Variants in ROS1 observed in about 807,000 individuals in gnomAD.
The protein encoded by ROS1 is proto-oncogene tyrosine-protein kinase ROS.
Under a neutral mutation model 273.5 loss-of-function variants are expected in ROS1, and 263 were observed. The observed-to-expected ratio is 0.96, with a 90% CI of 0.87 to 1.06. The LOEUF is 1.06. Ranked by LOEUF, ROS1 falls within the 50% of genes least tolerant of loss-of-function variation. ROS1 has a pLI of 0.00. For synonymous variants in ROS1, 1,008 were observed against 954.1 expected, an observed-to-expected ratio of 1.06 and a Z score of -1.04; for missense variants, 2,833 against 2,751.1, an observed-to-expected ratio of 1.03 and a Z score of -0.67.
At chr6:117,393,584 C>T (rs1240073321) in intron 11 of ROS1, among the ~76,000 whole-genome samples, 1 of 152,080 alleles carries the variant, frequency 6.6e-6, no homozygotes. Flanking sequence ...AACATTTAAG[C>T]GATATCTAGG....
rs765453028 is a variant in ROS1, at chr6:117,397,037, T to C, written c.684A>G (p.Gln228=). The C allele has an allele frequency of 1.9e-6, 3 of 1,612,704 alleles. No homozygotes were observed. Among genetic ancestry groups the C allele is most frequent in the South Asian group, 1.1e-5 (1 of 91,054 alleles). The stretch of plus-strand genomic sequence containing the variant: ...AACCCAAAATAGGTCCACCTGGGAA[T>C]TGAGGTGGATCCCAGCTGACTTCCA... The part of the protein sequence containing the change: ...DTVEVSWDPP[Q]FPGGPILGYN... Residue 228 remains glutamine, a synonymous_variant, in exon 8 of 44, where the codon CAA becomes CAG. Coordinates refer to ENST00000368507, the MANE Select transcript of ROS1 (RefSeq NM_001378902.1).
intron 5 of ROS1, among the ~76,000 whole-genome samples, chr6:117,406,862 C>T (rs1774447042): frequency 6.6e-6 from 1 of 152,046 alleles, no homozygotes; most frequent in Non-Finnish European, 1.5e-5. Context: ...GCCTGTGTAC[C>T]TGTTGGGCAC....
At chr6:117,339,459 C>T (rs1342560016) in intron 31 of ROS1, among the ~76,000 whole-genome samples, 2 of 152,128 alleles carry the variant, frequency 1.3e-5, no homozygotes, top group Admixed American at 1.3e-4. Context: ...GACAAATATT[C>T]TCTTTTATTG....
At chr6:117,407,966 G>T (rs1223685994) in intron 5 of ROS1, among the ~76,000 whole-genome samples, 1 of 152,176 alleles carries the variant, frequency 6.6e-6, no homozygotes, top group African/African-American at 2.4e-5. Flanking sequence ...ATGGGGAAAG[G>T]ATTCCCTATT....
chr6:117,420,014 C>T (rs545024367), intron 1 of ROS1, among the ~76,000 whole-genome samples: 4 of 152,188 alleles, frequency 2.6e-5, no homozygotes, highest in Admixed American at 2.0e-4. Flanking sequence ...TGAATTATTG[C>T]TATGTTTCAG....
intron 42 of ROS1, among the ~76,000 whole-genome samples, chr6:117,303,688 G>A (rs1450361935): frequency 6.6e-6 from 1 of 152,156 alleles, no homozygotes; most frequent in Non-Finnish European, 1.5e-5. Flanking sequence ...TTTTTAAGCG[G>A]ACATAATCTT....
rs1009005073 is a variant in ROS1, at chr6:117,414,441, C to G, written c.255+78G>C. ...ACTGAGAATTTTAGGTTTCTTCACC[C>G]CTATTTTAAAAGCTTTTTAGAGACC... On this transcript the variant is annotated intron_variant, in intron 4 of 43. Transcript: ENST00000368507. The G allele has an allele frequency of 5.6e-6, 4 of 713,876 alleles. No homozygotes were observed. The African/African-American group carries it at 7.3e-5, about 13-fold the overall frequency. The allele number at this position is 713,876 out of a possible 1,614,324, so 44.2% of individuals were successfully genotyped here. A position where few individuals can be genotyped will look rare whatever the true frequency, so the allele number is the denominator to read the frequency against.
chr6:117,414,199 A>G (rs1775157820), intron 4 of ROS1, among the ~76,000 whole-genome samples: 1 of 151,862 alleles, frequency 6.6e-6, no homozygotes, highest in Non-Finnish European at 1.5e-5. Context: ...CATTACCCCA[A>G]CTCCAACTCT....
At chr6:117,414,873 C>A (rs1775219462) in intron 3 of ROS1, among the ~76,000 whole-genome samples, 1 of 152,182 alleles carries the variant, frequency 6.6e-6, no homozygotes, top group Non-Finnish European at 1.5e-5. Flanking sequence ...GTAAATAGAA[C>A]AGGAAATGAA....
chr6:117,368,177 T>C (rs1382652421), intron 18 of ROS1, among the ~76,000 whole-genome samples: 4 of 152,238 alleles, frequency 2.6e-5, no homozygotes, highest in African/African-American at 9.6e-5. Context: ...CAATTATTTT[T>C]GCTTGAAAAA....
At chr6:117,395,511 A>G (rs1582839604) in intron 9 of ROS1, among the ~76,000 whole-genome samples, 1 of 152,220 alleles carries the variant, frequency 6.6e-6, no homozygotes, top group Non-Finnish European at 1.5e-5. Context: ...TAGTAAAAAT[A>G]GAAAACAGGC....
intron 4 of ROS1, among the ~76,000 whole-genome samples, chr6:117,412,601 TAGAC>T (rs916855986): frequency 5.9e-5 from 6 of 101,850 alleles, no homozygotes; most frequent in Admixed American, 2.6e-4. Context: ...CATAGATAGA[TAGAC>T]AGATAGATAG....
intron 18 of ROS1, 22 bp from the exon 19 acceptor site, chr6:117,366,312 T>A (rs775709663): frequency 1.9e-6 from 3 of 1,578,312 alleles, no homozygotes; most frequent in Non-Finnish European, 2.6e-6. Context: ...TAACACCAAT[T>A]AGTGTGTGTT....
intron 39 of ROS1, among the ~76,000 whole-genome samples, chr6:117,313,442 A>G (rs1266036830): frequency 2.0e-5 from 3 of 151,822 alleles, no homozygotes; most frequent in East Asian, 1.9e-4. Context: ...GTATGGTGGC[A>G]TATGTCTGTA....
chr6:117,294,948 T>C (rs553753061), intron 43 of ROS1, among the ~76,000 whole-genome samples: 1 of 151,986 alleles, frequency 6.6e-6, no homozygotes, highest in Non-Finnish European at 1.5e-5. Flanking sequence ...TTCACAGAAA[T>C]AGAAAAAAAT....
rs749044063 is a variant in ROS1, at chr6:117,394,317, C to A, written c.1036G>T (p.Val346Phe). Residue 346 changes from valine (V) to phenylalanine (F), a missense_variant, in exon 11 of 44, where the codon GTT becomes TTT. Val to Phe is a conservative substitution (Grantham distance 50). Transcript: ENST00000368507. The stretch of plus-strand genomic sequence containing the variant: ...ATGAGAGTTCCTTCAGAGAAATAAA[C>A]AATTTGCTGGTGGACATCAACAGAT... ...GISVDVHQQI[V>F]YFSEGTLIWA... 1 of 1,605,264 alleles carries A rather than the reference C, an allele frequency of 6.2e-7. No individual in the cohort carries two copies. Among genetic ancestry groups the A allele is most frequent in the Non-Finnish European group, 8.5e-7 (1 of 1,177,974 alleles).
chr6:117,340,431 C>T (rs1777833115), intron 31 of ROS1, among the ~76,000 whole-genome samples: 1 of 152,100 alleles, frequency 6.6e-6, no homozygotes. Context: ...TCTTTAAAAA[C>T]ACGTACACAT....
In ROS1 at chr6:117,318,218, A is replaced by G. The variant is rs150992008; in HGVS notation, c.5957T>C (p.Ile1986Thr). The G allele has an allele frequency of 9.9e-6, 16 of 1,612,866 alleles. No homozygotes were observed. Among genetic ancestry groups the G allele is most frequent in the East Asian group, 2.2e-5 (1 of 44,836 alleles). ...LKKGSTDQEKIEFLKEAHLMS... is the reference protein window; with the variant it reads ...LKKGSTDQEKTEFLKEAHLMS... The stretch of plus-strand genomic sequence containing the variant: ...CAGATGTGCCTCCTTCAGGAATTCA[A>G]TCTTCTCCTGGTCTGTGGAACCCTT... Residue 1986 changes from isoleucine to threonine, a missense_variant, in exon 38 of 44, where the codon ATT becomes ACT. By Grantham distance (89) the Ile-to-Thr change is moderately conservative (BLOSUM62 -1). Coordinates refer to ENST00000368507, the MANE Select transcript of ROS1 (RefSeq NM_001378902.1).
intron 33 of ROS1, among the ~76,000 whole-genome samples, chr6:117,328,097 A>C (rs1776779343): frequency 6.6e-6 from 1 of 152,202 alleles, no homozygotes; most frequent in South Asian, 2.1e-4. Flanking sequence ...CAACCCTTGG[A>C]AACTAATAAG....
Sources: allele counts gnomAD v4.1 joint callset (sites outside exome capture counted in the v4.1 genomes callset), GRCh38; gene constraint gnomAD v4.1.1; transcripts MANE v1.5; gene names NCBI Gene and HGNC (gene_info 2026-07-23, HGNC 2026-07-21).